ZNF679: variants seen among roughly 807,000 people sequenced by gnomAD.
ZNF679 encodes hypothetical protein MGC42415.
Under a neutral mutation model 13.4 loss-of-function variants are expected in ZNF679, and 10 were observed. That is an observed-to-expected ratio of 0.75 (90% CI 0.46 to 1.27). The LOEUF is 1.27. Among genes scored for constraint, ZNF679 ranks in the 50% most tolerant of loss-of-function variants. The pLI is 0.00. For missense variants in ZNF679, 525 were observed against 477.8 expected, an observed-to-expected ratio of 1.10 and a Z score of -0.92; for synonymous variants, 179 against 162.5, an observed-to-expected ratio of 1.10 and a Z score of -0.77.
rs1758919925 is a variant in ZNF679 at position 64,236,922 on chromosome 7, G to GAAGAAAAGAAAGA, written c.-91+8276_-91+8277insAGAAAGAAAGAAA. On this transcript the variant is annotated intron_variant, in intron 1 of 4. Transcript: ENST00000421025. ...AAAAAGAAAAAAAGAAAGAAAGAAAGAAGAAAGAAAGAAAGAAAGAAAGAA... is the reference window on the plus strand; with the variant it reads ...AAAAAGAAAAAAAGAAAGAAAGAAAGAAGAAAAGAAAGAAAGAAAGAAAGAAAGAAAGAAAGAA... Among the ~76,000 whole-genome samples the GAAGAAAAGAAAGA allele has an allele frequency of 9.4e-5, 8 of 85,398 alleles. No homozygotes were observed. The South Asian group carries it at 3.7e-3, about 40-fold the overall frequency. 56.0% of individuals were successfully genotyped at this position (85,398 alleles called of 152,430 possible).
At chr7:64,235,704 G>A (rs1455843874) in intron 1 of ZNF679, among the ~76,000 whole-genome samples, 2 of 151,918 alleles carry the variant, frequency 1.3e-5, no homozygotes, top group South Asian at 2.1e-4. Context: ...CAGAAGCATC[G>A]CTGGAACCCA....
intron 2 of ZNF679, among the ~76,000 whole-genome samples, chr7:64,257,977 A>G (rs184295013): frequency 2.6e-4 from 39 of 152,262 alleles, no homozygotes; most frequent in African/African-American, 9.1e-4. Flanking sequence ...TGAGGGGTTC[A>G]AGTTACGTTC....
At chr7:64,242,250 G>T (rs1446357180) in intron 1 of ZNF679, among the ~76,000 whole-genome samples, 2 of 152,196 alleles carry the variant, frequency 1.3e-5, no homozygotes, top group Admixed American at 1.3e-4. Flanking sequence ...ATGTGAGAGG[G>T]TGACAATTCT....
At chr7:64,263,746 T>C (rs1788107908) in intron 4 of ZNF679, among the ~76,000 whole-genome samples, 1 of 152,182 alleles carries the variant, frequency 6.6e-6, no homozygotes, top group Non-Finnish European at 1.5e-5. Context: ...ATTGTAAGCT[T>C]CCTCATATCC....
chr7:64,266,862 GT>G lies in ZNF679; in HGVS notation c.1230del (p.Cys410TrpfsTer13). The G allele has an allele frequency of 6.4e-7, 1 of 1,563,008 alleles. No homozygotes were observed. Among genetic ancestry groups the G allele is most frequent in the Non-Finnish European group, 8.7e-7 (1 of 1,154,948 alleles). The stretch of plus-strand genomic sequence containing the variant: ...CATACTGGAGAGAAACCCTACAAAT[GT>G]GAATAATGTGATAAAGTCCAGCCTT... ...SMHTGEKPYK[C>X]E On this transcript the variant is annotated frameshift_variant, in exon 5 of 5. Coordinates refer to ENST00000421025, the MANE Select transcript of ZNF679 (RefSeq NM_153363.3). LOFTEE classifies it high-confidence loss of function.
intron 2 of ZNF679, among the ~76,000 whole-genome samples, chr7:64,250,608 A>G (rs1262883382): frequency 1.3e-5 from 2 of 150,408 alleles, no homozygotes; most frequent in Admixed American, 6.6e-5. Context: ...CTTTTTTTTG[A>G]GACGGAGCCC....
chr7:64,260,159 G>T, intron 2 of ZNF679, 62 bp from the exon 3 acceptor site: 1 of 1,450,904 alleles, frequency 6.9e-7, no homozygotes, highest in Admixed American at 2.2e-5. Flanking sequence ...CTCTGCCTAC[G>T]GCCACATAGT....
chr7:64,265,830 C>T lies in ZNF679; in HGVS notation c.263-66C>T, dbSNP rs546714170. 3.4e-5 allele frequency: 51 copies of T among 1,509,136 alleles called. No individual in the cohort carries two copies. The Middle Eastern group carries it at 5.3e-4, about 16-fold the overall frequency. 93.5% of individuals were successfully genotyped at this position (1,509,136 alleles called of 1,614,324 possible). A position where few individuals can be genotyped will look rare whatever the true frequency, so the allele number is the denominator to read the frequency against. The stretch of plus-strand genomic sequence containing the variant: ...AGTACCTTGTATAATTTTATATATT[C>T]GATTTGTAAAGTATATCTATCTGGG... On this transcript the variant is annotated intron_variant, in intron 4 of 4. Coordinates refer to ENST00000421025, the MANE Select transcript of ZNF679 (RefSeq NM_153363.3).
chr7:64,241,992 A>T (rs1787804916), intron 1 of ZNF679, among the ~76,000 whole-genome samples: 1 of 152,248 alleles, frequency 6.6e-6, no homozygotes, highest in Non-Finnish European at 1.5e-5. Flanking sequence ...GACAGTCAAC[A>T]TATCTTGGGA....
intron 4 of ZNF679, 129 bp from the exon 5 acceptor site, chr7:64,265,767 A>AT (rs1788135165): frequency 9.8e-7 from 1 of 1,021,426 alleles, no homozygotes; most frequent in Non-Finnish European, 1.4e-6. Flanking sequence ...CTATGAAGGA[A>AT]TTATGGCCTG....
intron 1 of ZNF679, among the ~76,000 whole-genome samples, chr7:64,245,354 C>G (rs1292680891): frequency 6.7e-6 from 1 of 148,642 alleles, no homozygotes; most frequent in African/African-American, 2.5e-5. Context: ...CCAGAAGTTT[C>G]AACATGTGAT....
At chr7:64,265,133 G>A (rs1788126985) in intron 4 of ZNF679, among the ~76,000 whole-genome samples, 1 of 151,902 alleles carries the variant, frequency 6.6e-6, no homozygotes, top group Admixed American at 6.6e-5. Flanking sequence ...TTGTCTTCAT[G>A]TTTTGTATAC....
chr7:64,256,470 C>G (rs1012613700), intron 2 of ZNF679, among the ~76,000 whole-genome samples: 43 of 152,078 alleles, frequency 2.8e-4, no homozygotes, highest in African/African-American at 9.4e-4. Context: ...ATTCTATTTT[C>G]AGGTTATTGA....
chr7:64,229,561 T>C (rs1584221397), intron 1 of ZNF679, among the ~76,000 whole-genome samples: 1 of 152,316 alleles, frequency 6.6e-6, no homozygotes, highest in Non-Finnish European at 1.5e-5. Flanking sequence ...GTTGGCTGGA[T>C]GTGCCTATGA....
intron 2 of ZNF679, among the ~76,000 whole-genome samples, chr7:64,257,201 C>T (rs978311581): frequency 2.6e-5 from 4 of 152,162 alleles, no homozygotes; most frequent in Admixed American, 2.6e-4. Flanking sequence ...ATCTTTCTAA[C>T]TCTTTGGTGT....
chr7:64,265,512 A>G (rs1788132227), intron 4 of ZNF679, among the ~76,000 whole-genome samples: 1 of 152,172 alleles, frequency 6.6e-6, no homozygotes, highest in African/African-American at 2.4e-5. Context: ...AAAGGCCTCC[A>G]TAAGCCAAAA....
chr7:64,238,996 T>C (rs1242126542), intron 1 of ZNF679, among the ~76,000 whole-genome samples: 1 of 152,058 alleles, frequency 6.6e-6, no homozygotes, highest in Non-Finnish European at 1.5e-5. Flanking sequence ...TCACAGAGGA[T>C]TATGTCACCC....
At chr7:64,244,100 A>C (rs1787835615) in intron 1 of ZNF679, among the ~76,000 whole-genome samples, 1 of 152,034 alleles carries the variant, frequency 6.6e-6, no homozygotes, top group African/African-American at 2.4e-5. Context: ...AAATGCAAAA[A>C]TTAGCCAGGT....
At chr7:64,246,316 T>C (rs1391616525) in intron 1 of ZNF679, among the ~76,000 whole-genome samples, 1 of 152,192 alleles carries the variant, frequency 6.6e-6, no homozygotes, top group Non-Finnish European at 1.5e-5. Flanking sequence ...ATTCAGTCTA[T>C]TTCCTTTGGG....
Sources: gnomAD v4.1 joint callset for allele counts (sites outside exome capture counted in the v4.1 genomes callset) on GRCh38, gnomAD v4.1.1 for gene constraint, MANE v1.5 for transcripts, NCBI Gene and HGNC (gene_info 2026-07-23, HGNC 2026-07-21) for gene names.